Variants in ARHGAP8 observed in about 807,000 individuals in gnomAD.
The protein encoded by ARHGAP8 is rho GTPase-activating protein 8.
In ARHGAP8, 62 loss-of-function variants were observed where a neutral mutation model predicts 46.1. That is an observed-to-expected ratio of 1.34 (90% confidence interval 1.10 to 1.66). The LOEUF is 1.66. Among genes scored for constraint, ARHGAP8 ranks in the 40% most tolerant of loss-of-function variants. ARHGAP8 has a pLI of 0.00. For synonymous variants in ARHGAP8, 375 were observed against 243.1 expected (o/e 1.54, Z -5.05); for missense variants, 923 against 568.4 (o/e 1.62, Z -6.34).
intron 10 of ARHGAP8, among the ~76,000 whole-genome samples, chr22:44,859,181 GTGA>G (rs1309642015): frequency 7.2e-5 from 11 of 152,306 alleles, no homozygotes; most frequent in South Asian, 2.1e-4. Flanking sequence ...TAGAATTCAG[GTGA>G]TGATAGGGCT....
chr22:44,798,481 A>C (rs1366723126), intron 2 of ARHGAP8, among the ~76,000 whole-genome samples: 1 of 151,388 alleles, frequency 6.6e-6, no homozygotes, highest in East Asian at 1.9e-4. Flanking sequence ...TTAGATCTGC[A>C]GTGACCCTGT....
At position 44,769,817 on chromosome 22, in the gene ARHGAP8, C is replaced by T. The variant is rs1925864183; in HGVS notation, c.-71-16640C>T. Among the ~76,000 whole-genome samples the T allele has an allele frequency of 2.6e-5, 4 of 152,292 alleles. No homozygotes were observed. The South Asian group carries it at 8.3e-4, about 32-fold the overall frequency. On this transcript the variant is annotated intron_variant, in intron 1 of 11. Coordinates refer to ENST00000356099, the MANE Select transcript of ARHGAP8 (RefSeq NM_181335.3). Reference sequence around the variant, plus strand: ...AACAGTTTCATTGATTCAAGGCCAGCCCACACAGGAGAACTGGAGTTATGA... The same window carrying T: ...AACAGTTTCATTGATTCAAGGCCAGTCCACACAGGAGAACTGGAGTTATGA...
At chr22:44,782,741 C>T (rs1394315029) in intron 1 of ARHGAP8, among the ~76,000 whole-genome samples, 1 of 152,230 alleles carries the variant, frequency 6.6e-6, no homozygotes, top group African/African-American at 2.4e-5. Context: ...CATCCATCCA[C>T]TGGTGGACAT....
rs532407395 is a variant in ARHGAP8, at chr22:44,756,522, T to C, written c.-72+3895T>C. Among the ~76,000 whole-genome samples, 170 of 152,024 alleles carry C rather than the reference T, an allele frequency of 1.1e-3. 1 individual carries two copies. Among genetic ancestry groups the C allele is most frequent in the African/African-American group, 2.6e-3 (109 of 41,456 alleles). On this transcript the variant is annotated intron_variant, in intron 1 of 11. Transcript: ENST00000356099. ...AAATGATGTACAATGAGCCGCCATCTCCCAGCGTCAACTATAGCCACCCTG... is the reference window on the plus strand; with the variant it reads ...AAATGATGTACAATGAGCCGCCATCCCCCAGCGTCAACTATAGCCACCCTG...
chr22:44,762,386 TG>T (rs1278010548), intron 1 of ARHGAP8, among the ~76,000 whole-genome samples: 2 of 152,106 alleles, frequency 1.3e-5, no homozygotes, highest in Non-Finnish European at 2.9e-5. Flanking sequence ...TAGTGAGCTA[TG>T]ATCATACCAC....
chr22:44,818,305 T>C (rs1259988663), intron 5 of ARHGAP8, among the ~76,000 whole-genome samples: 1 of 151,744 alleles, frequency 6.6e-6, no homozygotes, highest in Non-Finnish European at 1.5e-5. Flanking sequence ...AAAAATCAGC[T>C]GGGCGTGGTG....
intron 2 of ARHGAP8, among the ~76,000 whole-genome samples, chr22:44,794,602 G>A (rs1036439619): frequency 3.9e-5 from 6 of 152,074 alleles, no homozygotes; most frequent in Admixed American, 6.6e-5. Flanking sequence ...CCCAGCTACC[G>A]TGGAGGCTGA....
At chr22:44,752,914 C>T (rs1441146968) in intron 1 of ARHGAP8, among the ~76,000 whole-genome samples, 13 of 151,634 alleles carry the variant, frequency 8.6e-5, no homozygotes, top group Admixed American at 4.6e-4. Context: ...TTCCTTCTCA[C>T]CCCGCACCGC....
intron 2 of ARHGAP8, among the ~76,000 whole-genome samples, chr22:44,798,638 C>T (rs1168271571): frequency 6.6e-6 from 1 of 151,870 alleles, no homozygotes; most frequent in Non-Finnish European, 1.5e-5. Flanking sequence ...ACCTAATCTG[C>T]ACCCTCAAGA....
intron 1 of ARHGAP8, among the ~76,000 whole-genome samples, chr22:44,768,996 G>A (rs1267010493): frequency 6.6e-6 from 1 of 152,014 alleles, no homozygotes; most frequent in African/African-American, 2.4e-5. Context: ...CATCATGCCT[G>A]GCTAATTTTT....
chr22:44,770,486 A>G (rs572022190), intron 1 of ARHGAP8, among the ~76,000 whole-genome samples: 1 of 151,914 alleles, frequency 6.6e-6, no homozygotes, highest in East Asian at 1.9e-4. Context: ...GCTCATTGCA[A>G]CTTCTACCTT....
chr22:44,783,385 G>A (rs1926987321), intron 1 of ARHGAP8, among the ~76,000 whole-genome samples: 1 of 152,028 alleles, frequency 6.6e-6, no homozygotes, highest in Non-Finnish European at 1.5e-5. Context: ...GCCAGCACCA[G>A]CCAGGACCCA....
At chr22:44,760,945 G>A (rs973860024) in intron 1 of ARHGAP8, among the ~76,000 whole-genome samples, 2 of 152,158 alleles carry the variant, frequency 1.3e-5, no homozygotes, top group Non-Finnish European at 2.9e-5. Flanking sequence ...AGGCATGTGC[G>A]GACTCACATG....
chr22:44,774,708 A>G (rs1342238114), intron 1 of ARHGAP8, among the ~76,000 whole-genome samples: 5 of 151,638 alleles, frequency 3.3e-5, no homozygotes, highest in Non-Finnish European at 5.9e-5. Context: ...TTTTTAGTAG[A>G]GACGGATTTT....
chr22:44,858,352 CTTGTTG>C (rs2070299502), intron 10 of ARHGAP8, among the ~76,000 whole-genome samples: 1 of 145,512 alleles, frequency 6.9e-6, no homozygotes, highest in East Asian at 2.2e-4. Flanking sequence ...TTGGTGAATA[CTTGTTG>C]GTTGGTGGTG....
At chr22:44,802,220 A>G in intron 3 of ARHGAP8, 56 bp downstream of exon 3, 1 of 1,598,056 alleles carries the variant, frequency 6.3e-7, no homozygotes, top group Non-Finnish European at 8.6e-7. Flanking sequence ...GCTTGTCCCC[A>G]TCCCTTCACC....
intron 5 of ARHGAP8, among the ~76,000 whole-genome samples, chr22:44,817,381 C>T (rs1486448320): frequency 6.6e-6 from 1 of 152,232 alleles, no homozygotes; most frequent in Non-Finnish European, 1.5e-5. Context: ...TGGCCTATGC[C>T]GCACACATTC....
rs751158664 is a variant in ARHGAP8 at position 44,862,284 on chromosome 22, G to C, written c.991G>C (p.Glu331Gln). The change falls in exon 12 of 12, where the codon GAG becomes CAG. Residue 331 changes from glutamate to glutamine, a missense_variant. Physicochemically the swap from Glu to Gln is conservative, Grantham distance 29. Coordinates refer to ENST00000356099, the MANE Select transcript of ARHGAP8 (RefSeq NM_181335.3). ...LMGFLHAVSR[E>Q]SIFNKMNSSN... Reference sequence around the variant, plus strand: ...GTGTGGTTTCCTCCAGGTGTCCCGGGAGAGCATCTTCAACAAAATGAACAG... The same window carrying C: ...GTGTGGTTTCCTCCAGGTGTCCCGGCAGAGCATCTTCAACAAAATGAACAG... 19 of 1,593,358 alleles carry C rather than the reference G, an allele frequency of 1.2e-5. No individual in the cohort carries two copies. The South Asian group carries it at 1.3e-4, about 11-fold the overall frequency.
In ARHGAP8 at chr22:44,758,291, G is replaced by A. The variant is rs148357768; in HGVS notation, c.-72+5664G>A. Among the ~76,000 whole-genome samples, 457 of 152,216 alleles carry A rather than the reference G, an allele frequency of 3.0e-3. 1 individual carries two copies. Among genetic ancestry groups the A allele is most frequent in the Non-Finnish European group, 5.6e-3 (381 of 68,016 alleles). On this transcript the variant is annotated intron_variant, in intron 1 of 11. Coordinates refer to ENST00000356099, the MANE Select transcript of ARHGAP8 (RefSeq NM_181335.3). ...TGGTGAATTAGCTACTTGTGGTGGC[G>A]TGCACCTGTAAACCCAGCTACTCGG...
Sources: allele counts gnomAD v4.1 joint callset (sites outside exome capture counted in the v4.1 genomes callset), GRCh38; gene constraint gnomAD v4.1.1; transcripts MANE v1.5; gene names NCBI Gene and HGNC (gene_info 2026-07-23, HGNC 2026-07-21).